The following PRPF6 variants were observed in gnomAD, a reference collection of about 807,000 sequenced individuals.
The protein encoded by PRPF6 is pre-mRNA processing factor 6, also known as pre-mRNA-processing factor 6.
In PRPF6, 42 loss-of-function variants were observed where a neutral mutation model predicts 118.3. The observed-to-expected ratio is 0.35, with a 90% CI of 0.28 to 0.46. PRPF6 has a LOEUF of 0.46. Among genes scored for constraint, PRPF6 ranks in the 20% least tolerant of loss-of-function variants. The probability of loss-of-function intolerance (pLI) is 1.00; values close to 1 mark genes in which losing one functional copy is unlikely to be tolerated. For missense variants in PRPF6, 662 were observed against 1,255.7 expected (o/e 0.53, Z 7.15); for synonymous variants, 481 against 485.1 (o/e 0.99, Z 0.11).
chr20:64,026,376 C>T lies in PRPF6; in HGVS notation c.2028+318C>T, dbSNP rs539692063. 9.1e-5 allele frequency among the ~76,000 whole-genome samples: 13 copies of T among 143,386 alleles called. No individual in the cohort carries two copies. The highest frequency in any genetic ancestry group is 2.9e-4 in the African/African-American group (11 of 38,496). 94.1% of individuals were successfully genotyped at this position (143,386 alleles called of 152,430 possible). On this transcript the variant is annotated intron_variant, in intron 15 of 20. Coordinates refer to ENST00000266079, the MANE Select transcript of PRPF6 (RefSeq NM_012469.4). This position sits in a 1 kb window ranked among gnomAD's most constrained non-coding sequence, Gnocchi z 4.4. The stretch of plus-strand genomic sequence containing the variant: ...ACAAAATTAGCCGGGCGTGGTGGTG[C>T]GTGCCTGTAATCCCAGCTGCTCGGG...
intron 3 of PRPF6, among the ~76,000 whole-genome samples, chr20:63,993,063 A>G (rs1329317074): frequency 6.6e-6 from 1 of 151,764 alleles, no homozygotes; most frequent in Non-Finnish European, 1.5e-5. Context: ...TAAAAACACA[A>G]AAATTAGCTG....
Position 63,987,045 on chromosome 20 carries a change from C to G in PRPF6, c.359+2020C>G, listed in dbSNP as rs1265010179. ...ATTAGCCAGGCTTCGTGGCACACAC[C>G]TGTAGTCCTAGCTACTCAGGAGGCT... On this transcript the variant is annotated intron_variant, in intron 3 of 20. Transcript: ENST00000266079. 4.0e-5 allele frequency among the ~76,000 whole-genome samples: 6 copies of G among 151,466 alleles called. No homozygotes were observed. In the South Asian group the frequency reaches 1.0e-3, roughly 26 times the overall value.
At chr20:63,995,295 T>TTTATTC (rs1280417573) in intron 5 of PRPF6, 32 bp from the exon 6 acceptor site, 5 of 1,592,914 alleles carry the variant, frequency 3.1e-6, no homozygotes, top group Non-Finnish European at 3.4e-6. Context: ...AAACCGTTGT[T>TTTATTC]TTATTCTTGC....
In PRPF6 at chr20:64,027,515, C is replaced by T. The variant is rs1422750530; in HGVS notation, c.2206-88C>T. ...ACATGGCAGCCCTGAGGGACTCGGT[C>T]ACCCACTGCAGATGAGAAGCTGGGC... On this transcript the variant is annotated intron_variant, in intron 16 of 20. Transcript: ENST00000266079. This position sits in a 1 kb window ranked among gnomAD's most constrained non-coding sequence, Gnocchi z 6.5. 3.8e-6 allele frequency: 6 copies of T among 1,578,918 alleles called. No individual in the cohort carries two copies. The highest frequency in any genetic ancestry group is 5.2e-6 in the Non-Finnish European group (6 of 1,148,896).
At position 64,013,008 on chromosome 20, in the gene PRPF6, G is replaced by C. The variant is rs532288536; in HGVS notation, c.1524+1505G>C. ...GAGTCTTTCTGTCACCCAGGCTAGA[G>C]GGCTAGAGTGCAGTGGCACGATCTT... On this transcript the variant is annotated intron_variant, in intron 11 of 20. Transcript: ENST00000266079. 7.3e-5 allele frequency among the ~76,000 whole-genome samples: 11 copies of C among 149,780 alleles called. 1 individual carries two copies. The highest frequency in any genetic ancestry group is 6.7e-4 in the Admixed American group (10 of 14,944).
intron 3 of PRPF6, among the ~76,000 whole-genome samples, chr20:63,988,241 A>G (rs1403064275): frequency 1.3e-5 from 2 of 151,518 alleles, no homozygotes; most frequent in Non-Finnish European, 2.9e-5. Flanking sequence ...AATTGCTTGA[A>G]CCTAGGAGGC....
chr20:64,021,412 G>GCACACAC (rs1187048706), intron 12 of PRPF6, among the ~76,000 whole-genome samples: 18 of 151,838 alleles, frequency 1.2e-4, no homozygotes, highest in Non-Finnish European at 2.2e-4. Flanking sequence ...GTGTCTGTGT[G>GCACACAC]TGCGTGTGTG....
At chr20:63,995,294 T>C in intron 5 of PRPF6, 33 bp from the exon 6 acceptor site, 9 of 1,592,316 alleles carry the variant, frequency 5.7e-6, no homozygotes, top group Non-Finnish European at 7.7e-6. Context: ...CAAACCGTTG[T>C]TTTATTCTTG....
chr20:63,990,370 G>A (rs758406656), intron 3 of PRPF6, among the ~76,000 whole-genome samples: 5 of 152,056 alleles, frequency 3.3e-5, no homozygotes, highest in Non-Finnish European at 7.4e-5. Context: ...ACAGACATAA[G>A]TCAATGTGCC....
intron 8 of PRPF6, among the ~76,000 whole-genome samples, chr20:64,000,227 G>T (rs943141140): frequency 7.9e-5 from 12 of 152,118 alleles, no homozygotes; most frequent in African/African-American, 2.4e-4. Flanking sequence ...GGTGGCTCAC[G>T]CCTGTAATCC....
chr20:64,033,005 C>T lies in PRPF6; in HGVS notation c.*12C>T. On this transcript the variant is annotated 3_prime_UTR_variant, in exon 21 of 21. Transcript: ENST00000266079. ...AGAACACCTTCTGATTGAGCGGTTGCCATGGCCGGTCTCCGTGGGGCAGGG... is the reference window on the plus strand; with the variant it reads ...AGAACACCTTCTGATTGAGCGGTTGTCATGGCCGGTCTCCGTGGGGCAGGG... The T allele has an allele frequency of 6.2e-7, 1 of 1,613,058 alleles. No homozygotes were observed. The highest frequency in any genetic ancestry group is 8.5e-7 in the Non-Finnish European group (1 of 1,179,978).
chr20:63,999,543 A>C, intron 7 of PRPF6, 60 bp from the exon 8 acceptor site: 1 of 1,600,782 alleles, frequency 6.2e-7, no homozygotes, highest in South Asian at 1.1e-5. Context: ...CCCTCATCCC[A>C]GGTCTCGGGT....
intron 11 of PRPF6, among the ~76,000 whole-genome samples, chr20:64,015,282 G>A (rs1284309460): frequency 6.6e-6 from 1 of 152,224 alleles, no homozygotes; most frequent in Non-Finnish European, 1.5e-5. Context: ...TGTCCATGGA[G>A]GAAGAGCCAG....
chr20:64,012,957 C>T (rs909673144), intron 11 of PRPF6, among the ~76,000 whole-genome samples: 38 of 129,938 alleles, frequency 2.9e-4, no homozygotes, highest in South Asian at 2.4e-4. Flanking sequence ...CCCCCACACC[C>T]TTTTTTTTTT....
intron 6 of PRPF6, among the ~76,000 whole-genome samples, chr20:63,996,967 A>G (rs2059143364): frequency 6.6e-6 from 1 of 152,098 alleles, no homozygotes; most frequent in South Asian, 2.1e-4. Context: ...TTTTGTGGTA[A>G]AATATATGTA....
chr20:64,025,941 C>G lies in PRPF6; in HGVS notation c.1911C>G (p.Ala637=), dbSNP rs753016474. ...ARSILALAFQ[A]NPNSEEIWLA... ...ACGCTGCTGTACTTGCCCTTCAGGC[C>G]AACCCCAACAGTGAGGAGATCTGGC... The change falls in exon 15 of 21, where the codon GCC becomes GCG. Residue 637 remains alanine, a splice_region_variant and synonymous_variant. Transcript: ENST00000266079. 213 of 1,613,518 alleles carry G rather than the reference C, an allele frequency of 1.3e-4. No individual in the cohort carries two copies. Among genetic ancestry groups the G allele is most frequent in the Non-Finnish European group, 6.5e-5 (77 of 1,180,044 alleles).
chr20:64,000,096 C>T (rs1477350611), intron 8 of PRPF6, among the ~76,000 whole-genome samples: 2 of 152,220 alleles, frequency 1.3e-5, no homozygotes, highest in South Asian at 2.1e-4. Context: ...GCACTATAGG[C>T]GCCCGCCACC....
At chr20:63,987,378 A>G (rs1259034756) in intron 3 of PRPF6, among the ~76,000 whole-genome samples, 2 of 151,934 alleles carry the variant, frequency 1.3e-5, no homozygotes, top group East Asian at 1.9e-4. Flanking sequence ...GTGGTGGCTC[A>G]GGCCTATAAT....
chr20:63,989,571 C>CTT (rs11418750), intron 3 of PRPF6, among the ~76,000 whole-genome samples: 79 of 151,984 alleles, frequency 5.2e-4, no homozygotes, highest in Middle Eastern at 3.4e-3. Flanking sequence ...CTTTCTGTTG[C>CTT]TTTTTTTTAT....
Sources: gnomAD v4.1 joint callset for allele counts (sites outside exome capture counted in the v4.1 genomes callset) on GRCh38, gnomAD v4.1.1 for gene constraint, Gnocchi (gnomAD v3.1) non-coding constraint, MANE v1.5 for transcripts, NCBI Gene and HGNC (gene_info 2026-07-23, HGNC 2026-07-21) for gene names.